The following NYAP2 variants were observed in gnomAD, a reference collection of about 807,000 sequenced individuals.
NYAP2 encodes the protein neuronal tyrosine-phosphorylated phosphoinositide-3-kinase adapter 2.
In NYAP2, 23 loss-of-function variants were observed where a neutral mutation model predicts 50.4. The observed-to-expected ratio is 0.46, with a 90% CI of 0.33 to 0.65. The LOEUF (loss-of-function observed/expected upper bound fraction) is 0.65, where lower values mean the gene tolerates loss of function less well. NYAP2 is among the 30% of genes least tolerant of loss of function. The pLI is 0.02. For missense variants in NYAP2, 885 were observed against 861.0 expected (o/e 1.03, Z -0.35); for synonymous variants, 394 against 365.2 (o/e 1.08, Z -0.90).
At chr2:225,398,652 GAGAGCATTGGGATAGGGGGA>G (rs1040020198), upstream of NYAP2, among the ~76,000 whole-genome samples, 7 of 151,924 alleles carry the variant, frequency 4.6e-5, no homozygotes, top group African/African-American at 1.7e-4. Context: ...GAGGGAAAGG[GAGAGCATTGGGATAGGGGGA>G]AGAGAATATG....
At chr2:225,461,533 C>T (rs772683124) in intron 3 of NYAP2, among the ~76,000 whole-genome samples, 1 of 152,222 alleles carries the variant, frequency 6.6e-6, no homozygotes, top group Admixed American at 6.5e-5. Context: ...TCTGTGTCTA[C>T]GGAGGTAGAC....
chr2:225,446,216 G>GTCTGTCTGTCTGTCTGTC (rs1422980177), intron 3 of NYAP2, among the ~76,000 whole-genome samples: 6 of 69,656 alleles, frequency 8.6e-5, no homozygotes, highest in Admixed American at 1.8e-4. Context: ...CTGTCTGTCT[G>GTCTGTCTGTCTGTCTGTC]TCTCTCTCTC....
At position 225,641,855 on chromosome 2, in the gene NYAP2, G is replaced by T. The variant is rs547528551; in HGVS notation, c.1829-9577G>T. On this transcript the variant is annotated intron_variant, in intron 6 of 6. Coordinates refer to ENST00000636099, the Ensembl canonical transcript of NYAP2. ...AAAGAAAACTAGTCAATGTAATTTA[G>T]ATTTTTTTTTTTTCTGGAAACATGG... Among the ~76,000 whole-genome samples, 32 of 151,664 alleles carry T rather than the reference G, an allele frequency of 2.1e-4. No individual in the cohort carries two copies. In the East Asian group the frequency reaches 5.8e-3, roughly 27 times the overall value.
the NYAP2 span, among the ~76,000 whole-genome samples, chr2:225,667,573 CA>C: frequency 6.6e-6 from 1 of 152,108 alleles, no homozygotes; most frequent in Non-Finnish European, 1.5e-5. Flanking sequence ...AAAGTCAAGT[CA>C]ACAGAAATTT....
At chr2:225,522,780 G>T (rs749534160) in intron 4 of NYAP2, among the ~76,000 whole-genome samples, 5 of 152,138 alleles carry the variant, frequency 3.3e-5, no homozygotes, top group Non-Finnish European at 7.4e-5. Flanking sequence ...CCAGCAATGA[G>T]TTAAAGGAAC....
the NYAP2 span, among the ~76,000 whole-genome samples, chr2:225,691,084 T>C: frequency 6.6e-6 from 1 of 152,220 alleles, no homozygotes; most frequent in Non-Finnish European, 1.5e-5. Context: ...TCCCACTTTT[T>C]ACAGGTCTAG....
chr2:225,520,453 G>C (rs1004241126), intron 4 of NYAP2, among the ~76,000 whole-genome samples: 1 of 152,064 alleles, frequency 6.6e-6, no homozygotes, highest in Non-Finnish European at 1.5e-5. Flanking sequence ...TTTTGTATAA[G>C]GTGTAAGGAA....
At chr2:225,655,029 C>T (rs935087373), downstream of NYAP2, among the ~76,000 whole-genome samples, 8 of 152,190 alleles carry the variant, frequency 5.3e-5, no homozygotes, top group Non-Finnish European at 1.0e-4. Context: ...GGTCCCCATT[C>T]CCCATGGGCC....
At chr2:225,537,637 T>C (rs953690320) in intron 4 of NYAP2, among the ~76,000 whole-genome samples, 2 of 152,184 alleles carry the variant, frequency 1.3e-5, no homozygotes, top group African/African-American at 2.4e-5. Flanking sequence ...GAATTCAAGA[T>C]GAGATTTGGG....
At chr2:225,634,371 A>G (rs1341113732) in intron 6 of NYAP2, among the ~76,000 whole-genome samples, 1 of 152,138 alleles carries the variant, frequency 6.6e-6, no homozygotes, top group Admixed American at 6.5e-5. Flanking sequence ...AACCAGTATG[A>G]GCTAAAGACT....
chr2:225,446,743 C>T (rs1273277880), intron 3 of NYAP2, among the ~76,000 whole-genome samples: 3 of 152,080 alleles, frequency 2.0e-5, no homozygotes, highest in Non-Finnish European at 4.4e-5. Context: ...AGTAGTAAAA[C>T]AGTCTGTAAA....
chr2:225,650,073 G>C (rs867777726), intron 6 of NYAP2, among the ~76,000 whole-genome samples: 1 of 152,156 alleles, frequency 6.6e-6, no homozygotes, highest in Non-Finnish European at 1.5e-5. Context: ...AGGACTGAGA[G>C]AGGAAAGGTG....
intron 3 of NYAP2, among the ~76,000 whole-genome samples, chr2:225,419,915 G>C: frequency 6.6e-6 from 1 of 152,188 alleles, no homozygotes; most frequent in East Asian, 1.9e-4. Flanking sequence ...AATTTTCTAA[G>C]TTATCATTTT....
At chr2:225,562,131 C>T (rs935890264) in intron 4 of NYAP2, among the ~76,000 whole-genome samples, 32 of 152,172 alleles carry the variant, frequency 2.1e-4, no homozygotes, top group Non-Finnish European at 4.1e-4. Context: ...GTGAGTCTCA[C>T]TTGCTGGTAA....
intron 3 of NYAP2, among the ~76,000 whole-genome samples, chr2:225,411,287 AG>A (rs529394193): frequency 2.8e-4 from 43 of 152,244 alleles, no homozygotes; most frequent in Middle Eastern, 3.4e-3. Flanking sequence ...AATTAATTAG[AG>A]GTGGCCCTCA....
chr2:225,487,005 A>G (rs1690312091), intron 3 of NYAP2, among the ~76,000 whole-genome samples: 1 of 152,316 alleles, frequency 6.6e-6, no homozygotes, highest in South Asian at 2.1e-4. Context: ...TAGGTAGACA[A>G]AAGTCACATA....
At chr2:225,583,567 A>T (rs980779087) in intron 5 of NYAP2, among the ~76,000 whole-genome samples, 10 of 152,148 alleles carry the variant, frequency 6.6e-5, no homozygotes, top group African/African-American at 1.2e-4. Context: ...AAGAGTGTTT[A>T]AAAAAAAGTA....
rs551016485 is a variant in NYAP2, at chr2:225,624,743, T to C, written c.1619-2174T>C. ...ACTACTTTTTATGTGTCTGGCACTT[T>C]TTAGTTTTCAAAATATTTTAAACTG... On this transcript the variant is annotated intron_variant, in intron 5 of 6. Coordinates refer to ENST00000636099, the Ensembl canonical transcript of NYAP2. Among the ~76,000 whole-genome samples the C allele has an allele frequency of 5.9e-5, 9 of 152,350 alleles. No homozygotes were observed. In the East Asian group the frequency reaches 1.7e-3, roughly 29 times the overall value.
At chr2:225,435,191 G>T (rs1360847339) in intron 3 of NYAP2, among the ~76,000 whole-genome samples, 1 of 152,096 alleles carries the variant, frequency 6.6e-6, no homozygotes, top group Non-Finnish European at 1.5e-5. Flanking sequence ...TGCCCTCAAA[G>T]TTCTTGAATA....
Sources: gnomAD v4.1 joint callset for allele counts (sites outside exome capture counted in the v4.1 genomes callset) on GRCh38, gnomAD v4.1.1 for gene constraint, MANE v1.5 for transcripts, NCBI Gene and HGNC (gene_info 2026-07-23, HGNC 2026-07-21) for gene names.